The following AGBL4 variants were observed in gnomAD, a reference collection of about 807,000 sequenced individuals.
The protein encoded by AGBL4 is cytosolic carboxypeptidase 6.
In AGBL4, 58 loss-of-function variants were observed where a neutral mutation model predicts 66.4. The ratio of observed to expected loss-of-function variants is 0.87; its 90% CI spans 0.71 to 1.09. The LOEUF (loss-of-function observed/expected upper bound fraction) is 1.09, where lower values mean the gene tolerates loss of function less well. Among genes scored for constraint, AGBL4 ranks in the 50% least tolerant of loss-of-function variants. AGBL4 has a pLI of 0.00. For missense variants in AGBL4, 579 were observed against 631.0 expected (o/e 0.92, Z 0.88); for synonymous variants, 234 against 222.9 (o/e 1.05, Z -0.44).
chr1:49,555,708 A>G (rs1011034397), intron 3 of AGBL4, among the ~76,000 whole-genome samples: 1 of 151,696 alleles, frequency 6.6e-6, no homozygotes. Context: ...CCCATCAAAA[A>G]GTGGGCCAAG....
chr1:49,294,088 C>A (rs1365841154), intron 3 of AGBL4, among the ~76,000 whole-genome samples: 1 of 152,158 alleles, frequency 6.6e-6, no homozygotes, highest in East Asian at 1.9e-4. Context: ...CTAGAGAAAG[C>A]ACAGGATTGA....
At chr1:49,006,496 G>T (rs530339914) in intron 5 of AGBL4, among the ~76,000 whole-genome samples, 15 of 152,184 alleles carry the variant, frequency 9.9e-5, no homozygotes, top group East Asian at 3.9e-4. Flanking sequence ...ACAAAGCAGC[G>T]GGGAAGCTCG....
intron 3 of AGBL4, among the ~76,000 whole-genome samples, chr1:49,342,831 T>C (rs1020377531): frequency 2.6e-5 from 4 of 152,326 alleles, no homozygotes; most frequent in East Asian, 3.9e-4. Context: ...TTCTAGATCT[T>C]ATAAAAACTG....
At chr1:49,605,729 T>A (rs1334557881) in intron 3 of AGBL4, among the ~76,000 whole-genome samples, 1 of 152,108 alleles carries the variant, frequency 6.6e-6, no homozygotes, top group African/African-American at 2.4e-5. Flanking sequence ...ACTACCAACA[T>A]CATGGCCTCT....
At chr1:49,398,720 G>T (rs1262182646) in intron 3 of AGBL4, among the ~76,000 whole-genome samples, 1 of 151,924 alleles carries the variant, frequency 6.6e-6, no homozygotes, top group Non-Finnish European at 1.5e-5. Context: ...ATTTTTGTGT[G>T]TACATAGGTG....
chr1:49,620,021 G>T (rs1026548837), intron 3 of AGBL4, among the ~76,000 whole-genome samples: 3 of 152,094 alleles, frequency 2.0e-5, no homozygotes, highest in Non-Finnish European at 4.4e-5. Flanking sequence ...AAAAACCCTA[G>T]AAGAACACCT....
At chr1:50,009,676 GAA>G (rs772368968) in intron 1 of AGBL4, among the ~76,000 whole-genome samples, 9 of 131,892 alleles carry the variant, frequency 6.8e-5, no homozygotes, top group South Asian at 2.4e-4. Flanking sequence ...AATCAGACAT[GAA>G]AAAAAAAAAA....
intron 4 of AGBL4, among the ~76,000 whole-genome samples, chr1:49,163,691 T>C (rs918916343): frequency 6.6e-6 from 1 of 152,152 alleles, no homozygotes; most frequent in East Asian, 1.9e-4. Flanking sequence ...ATTATAACTA[T>C]GACTTAATTC....
At chr1:49,596,315 G>A (rs1644852731) in intron 3 of AGBL4, among the ~76,000 whole-genome samples, 1 of 152,102 alleles carries the variant, frequency 6.6e-6, no homozygotes. Flanking sequence ...TTACAGGCGT[G>A]CACACCACCA....
At chr1:48,823,265 G>T (rs1419904862) in intron 6 of AGBL4, among the ~76,000 whole-genome samples, 1 of 152,098 alleles carries the variant, frequency 6.6e-6, no homozygotes, top group Non-Finnish European at 1.5e-5. Flanking sequence ...ATCACCTCTG[G>T]TTCCCTCTGT....
chr1:48,962,017 A>T (rs1188413137), intron 5 of AGBL4, among the ~76,000 whole-genome samples: 2 of 152,172 alleles, frequency 1.3e-5, no homozygotes, highest in Non-Finnish European at 2.9e-5. Flanking sequence ...GAGGCTCTGT[A>T]AGGATTCCCA....
intron 1 of AGBL4, among the ~76,000 whole-genome samples, chr1:49,913,187 C>T (rs1182896977): frequency 6.6e-6 from 1 of 152,170 alleles, no homozygotes; most frequent in Non-Finnish European, 1.5e-5. Context: ...ATGGGTGAGA[C>T]TCAAGGCATG....
At chr1:49,751,791 C>T (rs976037622) in intron 2 of AGBL4, among the ~76,000 whole-genome samples, 2 of 152,034 alleles carry the variant, frequency 1.3e-5, no homozygotes, top group African/African-American at 4.8e-5. Flanking sequence ...CAAATGATTC[C>T]TGGTTTAGTC....
intron 3 of AGBL4, among the ~76,000 whole-genome samples, chr1:49,463,761 G>C (rs1646565864): frequency 6.6e-6 from 1 of 151,688 alleles, no homozygotes; most frequent in Non-Finnish European, 1.5e-5. Context: ...AGAAAACTCT[G>C]GGAAGATTAA....
chr1:49,796,498 T>A (rs1644733158), intron 2 of AGBL4, among the ~76,000 whole-genome samples: 2 of 151,422 alleles, frequency 1.3e-5, no homozygotes, highest in Non-Finnish European at 3.0e-5. Context: ...CAAAGACTAT[T>A]AAATTTATAA....
intron 4 of AGBL4, among the ~76,000 whole-genome samples, chr1:49,145,073 T>G (rs960723429): frequency 6.6e-6 from 1 of 152,060 alleles, no homozygotes; most frequent in African/African-American, 2.4e-5. Context: ...AGGGAAACAA[T>G]AGCAGCAAAA....
At chr1:49,423,877 G>C (rs1645599369) in intron 3 of AGBL4, among the ~76,000 whole-genome samples, 1 of 149,760 alleles carries the variant, frequency 6.7e-6, no homozygotes, top group Non-Finnish European at 1.5e-5. Context: ...TCAGCATTAA[G>C]AGACACAGCC....
intron 11 of AGBL4, among the ~76,000 whole-genome samples, chr1:48,567,634 G>C (rs1411643864): frequency 2.0e-5 from 3 of 152,124 alleles, no homozygotes; most frequent in Non-Finnish European, 4.4e-5. Flanking sequence ...CGAATGCAAA[G>C]GTACAACACT....
chr1:49,678,012 C>G (rs1646614786), intron 3 of AGBL4, among the ~76,000 whole-genome samples: 1 of 152,180 alleles, frequency 6.6e-6, no homozygotes. Flanking sequence ...CTTGGATAAA[C>G]AGTGCAGAGC....
Sources: gnomAD v4.1 joint callset for allele counts (sites outside exome capture counted in the v4.1 genomes callset) on GRCh38, gnomAD v4.1.1 for gene constraint, MANE v1.5 for transcripts, NCBI Gene and HGNC (gene_info 2026-07-23, HGNC 2026-07-21) for gene names.